ARHGEF10L: variants seen among roughly 807,000 people sequenced by gnomAD.
The protein encoded by ARHGEF10L is rho guanine nucleotide exchange factor 10-like protein.
Under a neutral mutation model 141.2 loss-of-function variants are expected in ARHGEF10L, and 69 were observed. The ratio of observed to expected loss-of-function variants is 0.49; its 90% CI spans 0.40 to 0.60. The LOEUF (loss-of-function observed/expected upper bound fraction) is 0.60, where lower values mean the gene tolerates loss of function less well. Ranked by LOEUF, ARHGEF10L falls within the 20% of genes least tolerant of loss-of-function variation. The probability of loss-of-function intolerance (pLI) is 0.00; values close to 1 mark genes in which losing one functional copy is unlikely to be tolerated. For synonymous variants in ARHGEF10L, 711 were observed against 718.5 expected, an observed-to-expected ratio of 0.99 and a Z score of 0.17; for missense variants, 1,482 against 1,734.3, an observed-to-expected ratio of 0.85 and a Z score of 2.58.
chr1:17,565,356 C>G (rs2077709307), intron 1 of ARHGEF10L, among the ~76,000 whole-genome samples: 1 of 152,242 alleles, frequency 6.6e-6, no homozygotes, highest in Non-Finnish European at 1.5e-5. Flanking sequence ...TGGAAGCCCT[C>G]ATTTCTACCT....
chr1:17,617,373 T>A (rs941901492), intron 9 of ARHGEF10L, among the ~76,000 whole-genome samples: 2 of 152,188 alleles, frequency 1.3e-5, no homozygotes, highest in Non-Finnish European at 2.9e-5. Context: ...TTCAGGTGCC[T>A]ACCCTTGCTC....
chr1:17,663,929 G>A (rs953746299), intron 25 of ARHGEF10L, among the ~76,000 whole-genome samples: 8 of 152,186 alleles, frequency 5.3e-5, no homozygotes, highest in Non-Finnish European at 8.8e-5. Context: ...GATTTCCCCT[G>A]GTGCAGAGTT....
rs753136901 is a variant in ARHGEF10L, at chr1:17,655,941, G to A, written c.2544G>A (p.Ser848=). ...QVEIFSLNRP[S]PRTVKSFPLA... is the part of the protein sequence containing the mutation. ...AAATCTTTTCCTTGAACCGGCCCTC[G>A]CCCCGCACCGTCAAGTCCTTCCCAC... Residue 848 remains serine (S), a synonymous_variant, in exon 24 of 29, where the codon TCG becomes TCA. Transcript: ENST00000361221. The A allele has an allele frequency of 1.5e-5, 24 of 1,559,388 alleles. No individual in the cohort carries two copies. In the African/African-American group the frequency reaches 1.9e-4, roughly 12 times the overall value.
intron 1 of ARHGEF10L, among the ~76,000 whole-genome samples, chr1:17,546,211 C>G (rs2100660989): frequency 6.6e-6 from 1 of 152,274 alleles, no homozygotes; most frequent in East Asian, 1.9e-4. Context: ...GGTCTTCCAG[C>G]CCCTGCATCT....
the ARHGEF10L span, among the ~76,000 whole-genome samples, chr1:17,527,594 T>A: frequency 6.6e-6 from 1 of 152,150 alleles, no homozygotes; most frequent in African/African-American, 2.4e-5. Flanking sequence ...CCCTGGTGGC[T>A]TCTGGGAAAA....
chr1:17,679,255 T>C (rs534220598), intron 26 of ARHGEF10L, among the ~76,000 whole-genome samples: 53 of 152,294 alleles, frequency 3.5e-4, no homozygotes, highest in Admixed American at 1.1e-3. Context: ...GGAGCCTCCC[T>C]GAGAAATGCG....
At chr1:17,635,057 C>A in intron 18 of ARHGEF10L, 41 bp downstream of exon 18, 1 of 1,607,670 alleles carries the variant, frequency 6.2e-7, no homozygotes, top group Non-Finnish European at 8.5e-7. Context: ...GTCACCCTCG[C>A]CCTCACCAGC....
At chr1:17,630,660 GCGAGTCAC>G in intron 15 of ARHGEF10L, among the ~76,000 whole-genome samples, 1 of 152,234 alleles carries the variant, frequency 6.6e-6, no homozygotes, top group African/African-American at 2.4e-5. Context: ...GTGGGTCTCA[GCGAGTCAC>G]TTTACCCCTG....
Position 17,616,115 on chromosome 1 carries a change from G to T in ARHGEF10L, c.748G>T (p.Ala250Ser), listed in dbSNP as rs776421443. ...TCAGATGACCCAGCTCATGAAGGCC[G>T]CCAAGAGCGGGACCAAGGATGGGCT... ...DCKMTQLMKA[A>S]KSGTKDGLEK... The change falls in exon 9 of 29, where the codon GCC becomes TCC. Residue 250 changes from alanine to serine, a missense_variant. Around this residue, in one of 3 missense-constraint regions of ARHGEF10L, gnomAD observed 392 missense variants for 542.1 expected, o/e 0.72. Transcript: ENST00000361221. The T allele has an allele frequency of 6.2e-7, 1 of 1,613,624 alleles. No homozygotes were observed. The highest frequency in any genetic ancestry group is 1.3e-5 in the African/African-American group (1 of 74,916).
rs112226604 is a variant in ARHGEF10L, at chr1:17,681,314, A to G, written c.3010-6259A>G. On this transcript the variant is annotated intron_variant, in intron 26 of 28. Transcript: ENST00000361221. ...ACTGCATGGCATATCACACCCAGGA[A>G]TTTAGGTCTATGCACTGATGCTATC... Among the ~76,000 whole-genome samples, 1,263 of 152,294 alleles carry G rather than the reference A, an allele frequency of 8.3e-3. 24 individuals are homozygous for G. The highest frequency in any genetic ancestry group is 0.029 in the African/African-American group (1,224 of 41,542).
chr1:17,681,309 C>G (rs2064112772), intron 26 of ARHGEF10L, among the ~76,000 whole-genome samples: 1 of 152,184 alleles, frequency 6.6e-6, no homozygotes, highest in Admixed American at 6.5e-5. Flanking sequence ...ATATCACACC[C>G]AGGAATTTAG....
At position 17,697,398 on chromosome 1, in the gene ARHGEF10L, C is replaced by T. The variant is rs1348429593; in HGVS notation, c.*18C>T. On this transcript the variant is annotated 3_prime_UTR_variant, in exon 29 of 29. Coordinates refer to ENST00000361221, the MANE Select transcript of ARHGEF10L (RefSeq NM_018125.4). This position sits in a 1 kb window ranked among gnomAD's most constrained non-coding sequence, Gnocchi z 4.8. ...TGCTATAGCGCCTCCCCTCTCCCCT[C>T]AGAGGGCACAGCTGCAGGCCTGACC... 1 of 1,566,520 alleles carries T rather than the reference C, an allele frequency of 6.4e-7. No individual in the cohort carries two copies. The highest frequency in any genetic ancestry group is 1.2e-5 in the South Asian group (1 of 83,518).
chr1:17,687,516 A>T, intron 26 of ARHGEF10L, 57 bp from the exon 27 acceptor site: 1 of 1,595,052 alleles, frequency 6.3e-7, no homozygotes, highest in Non-Finnish European at 8.6e-7. Flanking sequence ...GGGGGCTTGT[A>T]GGGAGGCTCA....
Position 17,656,271 on chromosome 1 carries a change from G to A in ARHGEF10L, c.2705+169G>A, listed in dbSNP as rs1032402785. Among the ~76,000 whole-genome samples, 1 of 152,206 alleles carries A rather than the reference G, an allele frequency of 6.6e-6. No individual in the cohort carries two copies. Among genetic ancestry groups the A allele is most frequent in the East Asian group, 1.9e-4 (1 of 5,180 alleles). On this transcript the variant is annotated intron_variant, in intron 24 of 28. Transcript: ENST00000361221. This position sits in a 1 kb window ranked among gnomAD's most constrained non-coding sequence, Gnocchi z 4.9. ...CCCAGTGTGGGAGCCAAAGTGTCGGGAGCGGCCTGCAGTGCAGTTGCCTGG... is the reference window on the plus strand; with the variant it reads ...CCCAGTGTGGGAGCCAAAGTGTCGGAAGCGGCCTGCAGTGCAGTTGCCTGG...
At chr1:17,566,387 G>A (rs922341431) in intron 1 of ARHGEF10L, among the ~76,000 whole-genome samples, 1 of 152,244 alleles carries the variant, frequency 6.6e-6, no homozygotes, top group African/African-American at 2.4e-5. Flanking sequence ...GCCTCCCATA[G>A]ATCTGTAAAG....
At chr1:17,587,687 A>T in intron 3 of ARHGEF10L, 42 bp downstream of exon 3, 2 of 1,563,882 alleles carry the variant, frequency 1.3e-6, no homozygotes, top group South Asian at 2.4e-5. Context: ...GGCTACAGGG[A>T]GCATGGAGAA....
In ARHGEF10L at chr1:17,627,368, G is replaced by A. The variant is rs756362894; in HGVS notation, c.1449G>A (p.Arg483=). 1 of 1,614,100 alleles carries A rather than the reference G, an allele frequency of 6.2e-7. No individual in the cohort carries two copies. The highest frequency in any genetic ancestry group is 1.1e-5 in the South Asian group (1 of 91,086). Residue 483 remains arginine, a synonymous_variant, in exon 15 of 29, where the codon AGG becomes AGA. Transcript: ENST00000361221. This position sits in a 1 kb window ranked among gnomAD's most constrained non-coding sequence, Gnocchi z 4.0. Reference sequence around the variant, plus strand: ...ACACCCCCAGGGGCCATCCGGACAGGCTGTCGCTGCAGCTGGCCCTCACAG... The same window carrying A: ...ACACCCCCAGGGGCCATCCGGACAGACTGTCGCTGCAGCTGGCCCTCACAG... ...LKNTPRGHPD[R]LSLQLALTEL...
At chr1:17,566,252 C>T (rs1039372077) in intron 1 of ARHGEF10L, among the ~76,000 whole-genome samples, 3 of 152,148 alleles carry the variant, frequency 2.0e-5, no homozygotes, top group African/African-American at 7.2e-5. Flanking sequence ...TTAGCGGCTT[C>T]CCTGGCTTCC....
intron 21 of ARHGEF10L, among the ~76,000 whole-genome samples, chr1:17,646,074 G>A (rs761437567): frequency 6.6e-6 from 1 of 152,220 alleles, no homozygotes; most frequent in African/African-American, 2.4e-5. Flanking sequence ...GGCCCATTTC[G>A]GGAATGAGTT....
Sources: allele counts gnomAD v4.1 joint callset (sites outside exome capture counted in the v4.1 genomes callset), GRCh38; gene constraint gnomAD v4.1.1; regional missense constraint gnomAD v4.1.1; non-coding constraint Gnocchi (gnomAD v3.1); transcripts MANE v1.5; gene names NCBI Gene and HGNC (gene_info 2026-07-23, HGNC 2026-07-21).